Variants in OTUD7A observed in about 807,000 individuals in gnomAD.
OTUD7A encodes OTU domain-containing protein 7A.
A neutral mutation model predicts 65.7 loss-of-function variants in OTUD7A; 12 were observed. The ratio of observed to expected loss-of-function variants is 0.18; its 90% CI spans 0.12 to 0.30. The LOEUF (loss-of-function observed/expected upper bound fraction) is 0.30, where lower values mean the gene tolerates loss of function less well. OTUD7A is among the 10% of genes least tolerant of loss of function. The pLI, the probability that OTUD7A is intolerant of heterozygous loss-of-function variation, is 1.00. For missense variants in OTUD7A, 1,148 were observed against 1,304.8 expected, an observed-to-expected ratio of 0.88 and a Z score of 1.85; for synonymous variants, 641 against 586.3, an observed-to-expected ratio of 1.09 and a Z score of -1.35.
chr15:31,674,145 T>G (rs1336083549), intron 1 of OTUD7A, among the ~76,000 whole-genome samples: 1 of 152,108 alleles, frequency 6.6e-6, no homozygotes, highest in African/African-American at 2.4e-5. Flanking sequence ...TGAAGACAGC[T>G]GAAGGTAAGA....
At chr15:31,786,614 G>A (rs1895681023) in intron 1 of OTUD7A, among the ~76,000 whole-genome samples, 2 of 152,148 alleles carry the variant, frequency 1.3e-5, no homozygotes, top group African/African-American at 2.4e-5. Flanking sequence ...ATGCCCTGCT[G>A]CCCCTCCACC....
chr15:31,750,121 T>A (rs1458754690), intron 1 of OTUD7A, among the ~76,000 whole-genome samples: 3 of 152,158 alleles, frequency 2.0e-5, no homozygotes, highest in Non-Finnish European at 2.9e-5. Flanking sequence ...ATTGTTAAAA[T>A]GTTCGACCGG....
chr15:31,728,867 T>C (rs1893966171), intron 1 of OTUD7A, among the ~76,000 whole-genome samples: 1 of 152,244 alleles, frequency 6.6e-6, no homozygotes, highest in Non-Finnish European at 1.5e-5. Flanking sequence ...CATTCTCCCC[T>C]GGAGATCCAG....
At chr15:31,623,811 G>A (rs539642335) in intron 3 of OTUD7A, among the ~76,000 whole-genome samples, 78 of 152,262 alleles carry the variant, frequency 5.1e-4, no homozygotes, top group African/African-American at 1.8e-3. Flanking sequence ...AGATGAACCC[G>A]GTACCTCAGT....
At chr15:31,664,695 C>T (rs34239066) in intron 1 of OTUD7A, among the ~76,000 whole-genome samples, 2,882 of 152,238 alleles carry the variant, frequency 0.019, 93 homozygotes, top group African/African-American at 0.066. Context: ...GTTTTTATTG[C>T]ATTTGCTTTT....
At chr15:31,489,247 A>G (rs1263715575) in intron 10 of OTUD7A, among the ~76,000 whole-genome samples, 1 of 152,212 alleles carries the variant, frequency 6.6e-6, no homozygotes, top group Non-Finnish European at 1.5e-5. Context: ...CCAAGCCCCC[A>G]TGAATGGATG....
chr15:31,745,041 G>A (rs1894439565), intron 1 of OTUD7A, among the ~76,000 whole-genome samples: 1 of 152,024 alleles, frequency 6.6e-6, no homozygotes, highest in Non-Finnish European at 1.5e-5. Context: ...TCTGTTGAGA[G>A]ACATTAAAGA....
chr15:31,697,007 G>A (rs1385437289), intron 1 of OTUD7A, among the ~76,000 whole-genome samples: 1 of 151,250 alleles, frequency 6.6e-6, no homozygotes, highest in Non-Finnish European at 1.5e-5. Context: ...ATGTGTTCAA[G>A]TTTCCCAAGA....
chr15:31,766,909 C>T (rs1895106752), intron 1 of OTUD7A: 1 of 1,610,196 alleles, frequency 6.2e-7, no homozygotes, highest in Non-Finnish European at 8.5e-7. Context: ...ATCTACAATT[C>T]CTTCCAAAGA....
chr15:31,681,501 A>C (rs1435334328), intron 1 of OTUD7A, among the ~76,000 whole-genome samples: 1 of 151,562 alleles, frequency 6.6e-6, no homozygotes, highest in African/African-American at 2.4e-5. Context: ...ATGTCTTTCA[A>C]TCTATCTTGT....
At chr15:31,853,324 T>C (rs536159952) in intron 1 of OTUD7A, among the ~76,000 whole-genome samples, 9 of 152,098 alleles carry the variant, frequency 5.9e-5, no homozygotes, top group African/African-American at 1.9e-4. Flanking sequence ...AATCTACTCC[T>C]CCACACTTTC....
chr15:31,728,077 T>A (rs979098387), intron 1 of OTUD7A, among the ~76,000 whole-genome samples: 5 of 152,222 alleles, frequency 3.3e-5, no homozygotes, highest in Non-Finnish European at 7.3e-5. Flanking sequence ...AGTCTCCACT[T>A]GGATACCTCA....
At chr15:31,566,211 A>G (rs1431519611) in intron 4 of OTUD7A, among the ~76,000 whole-genome samples, 2 of 151,590 alleles carry the variant, frequency 1.3e-5, no homozygotes, top group African/African-American at 2.4e-5. Context: ...AAAAAAAAAA[A>G]GAATATATTT....
chr15:31,642,404 G>A (rs375554486), intron 3 of OTUD7A, among the ~76,000 whole-genome samples: 15 of 152,234 alleles, frequency 9.9e-5, no homozygotes, highest in East Asian at 1.9e-4. Flanking sequence ...TAATGCTGGC[G>A]CAAAGAATGA....
At chr15:31,558,092 C>G (rs1361289234) in intron 5 of OTUD7A, 1 of 152,244 alleles carries the variant, frequency 6.6e-6, no homozygotes, top group Non-Finnish European at 1.5e-5. Context: ...ACTGTCAGCC[C>G]GTGCAGGCAG....
In OTUD7A at chr15:31,822,011, C is replaced by T. The variant is rs1022469210; in HGVS notation, c.-100+48496G>A. 5.3e-5 allele frequency among the ~76,000 whole-genome samples: 8 copies of T among 152,276 alleles called. 1 individual carries two copies. Among genetic ancestry groups the T allele is most frequent in the Middle Eastern group, 3.4e-3 (1 of 294 alleles). On this transcript the variant is annotated intron_variant, in intron 1 of 12. Coordinates refer to ENST00000307050, the MANE Select transcript of OTUD7A (RefSeq NM_001382637.1). ...TCTTTATATATTCTGGATATGAGTT[C>T]CTTATCAGACATGATTTACAAATAT...
intron 5 of OTUD7A, chr15:31,558,654 G>A (rs1888578820): frequency 5.0e-6 from 2 of 402,936 alleles, no homozygotes; most frequent in Admixed American, 3.8e-5. Context: ...CACCCACGGA[G>A]GAGTTGTCTG....
Position 31,855,633 on chromosome 15 carries a change from AGAGAT to A in OTUD7A, c.-100+14869_-100+14873del, listed in dbSNP as rs770356734. 1.4e-4 allele frequency among the ~76,000 whole-genome samples: 21 copies of A among 152,226 alleles called. 1 individual carries two copies. The highest frequency in any genetic ancestry group is 1.8e-4 in the Non-Finnish European group (12 of 68,038). ...AGTAACTGTGGAAACAAGTTATCTAAGAGATGACCCATGTTATGTTCCTTGACAAT... is the reference window on the plus strand; with the variant it reads ...AGTAACTGTGGAAACAAGTTATCTAAGACCCATGTTATGTTCCTTGACAAT... On this transcript the variant is annotated intron_variant, in intron 1 of 12. Coordinates refer to ENST00000307050, the MANE Select transcript of OTUD7A (RefSeq NM_001382637.1).
At chr15:31,744,965 A>G (rs1245941282) in intron 1 of OTUD7A, among the ~76,000 whole-genome samples, 1 of 152,136 alleles carries the variant, frequency 6.6e-6, no homozygotes, top group Non-Finnish European at 1.5e-5. Flanking sequence ...GCTTTGAAAA[A>G]ACATAAAATA....
Sources: allele counts gnomAD v4.1 joint callset (sites outside exome capture counted in the v4.1 genomes callset), GRCh38; gene constraint gnomAD v4.1.1; transcripts MANE v1.5; gene names NCBI Gene and HGNC (gene_info 2026-07-23, HGNC 2026-07-21).